The following DACT2 variants were observed in gnomAD, a reference collection of about 807,000 sequenced individuals.
The protein encoded by DACT2 is dapper homolog 2.
In DACT2, 20 loss-of-function variants were observed where a neutral mutation model predicts 22.2. That is an observed-to-expected ratio of 0.90 (90% CI 0.63 to 1.31). The LOEUF is 1.31. Among genes scored for constraint, DACT2 ranks in the 50% most tolerant of loss-of-function variants. The pLI is 0.00. For synonymous variants in DACT2, 463 were observed against 479.8 expected, an observed-to-expected ratio of 0.96 and a Z score of 0.46; for missense variants, 1,048 against 1,061.4, an observed-to-expected ratio of 0.99 and a Z score of 0.18.
chr6:168,319,598 G>T lies in DACT2; in HGVS notation c.36C>A (p.Gly12=), dbSNP rs761663369. ...WTPGGPPGSA[G]WDRRRLGARL... is the part of the protein sequence containing the mutation. ...TCGCGCCCAACCTACGGCGGTCCCAGCCCGCGGACCCCGGGGGTCCGCCCG... is the reference window on the plus strand; with the variant it reads ...TCGCGCCCAACCTACGGCGGTCCCATCCCGCGGACCCCGGGGGTCCGCCCG... Residue 12 remains glycine, a synonymous_variant, in exon 1 of 4, where the codon GGC becomes GGA. Coordinates refer to ENST00000366795, the MANE Select transcript of DACT2 (RefSeq NM_214462.5). 1 of 1,347,968 alleles carries T rather than the reference G, an allele frequency of 7.4e-7. No individual in the cohort carries two copies. The highest frequency in any genetic ancestry group is 1.7e-5 in the South Asian group (1 of 58,778). The allele number at this position is 1,347,968 out of a possible 1,614,324, so 83.5% of individuals were successfully genotyped here.
chr6:168,307,711 G>A lies in DACT2; in HGVS notation c.2046C>T (p.Ser682=), dbSNP rs571812546. Residue 682 remains serine (S), a synonymous_variant, in exon 4 of 4, where the codon AGC becomes AGT. Coordinates refer to ENST00000366795, the MANE Select transcript of DACT2 (RefSeq NM_214462.5). The surrounding 1 kb of genome is among the most constrained non-coding windows in gnomAD (Gnocchi z 5.3). ...PRFPSVIPET[S]EGESSDHTTN... ...TGGTGTGGTCACTGGACTCTCCCTC[G>A]CTGGTCTCCGGGATGACTGACGGGA... The A allele has an allele frequency of 1.9e-5, 30 of 1,550,064 alleles. No individual in the cohort carries two copies. The African/African-American group carries it at 3.1e-4, about 16-fold the overall frequency.
Position 168,308,499 on chromosome 6 carries a change from G to T in DACT2, c.1258C>A (p.Leu420Ile), listed in dbSNP as rs1398000610. Residue 420 changes from leucine to isoleucine, a missense_variant, in exon 4 of 4, where the codon CTT becomes ATT. Transcript: ENST00000366795. Reference protein sequence around the residue: ...PLEGPQQSGSLPEEGSKPSNS... With the variant: ...PLEGPQQSGSIPEEGSKPSNS... ...GAGGGCTTGGAGCCCTCCTCTGGAAGGCTGCCAGACTGCTGGGGACCCTCA... is the reference window on the plus strand; with the variant it reads ...GAGGGCTTGGAGCCCTCCTCTGGAATGCTGCCAGACTGCTGGGGACCCTCA... 6.4e-7 allele frequency: 1 copy of T among 1,551,534 alleles called. No homozygotes were observed. The highest frequency in any genetic ancestry group is 1.4e-5 in the African/African-American group (1 of 73,142).
downstream of DACT2, among the ~76,000 whole-genome samples, chr6:168,303,348 T>G (rs2114898234): frequency 6.6e-6 from 1 of 152,220 alleles, no homozygotes; most frequent in East Asian, 1.9e-4. Flanking sequence ...GTCCTGGAGG[T>G]TTCTGGGTCA....
downstream of DACT2, chr6:168,302,150 C>T (rs1047209207): frequency 3.3e-5 from 5 of 152,312 alleles, no homozygotes; most frequent in Admixed American, 6.5e-5. Flanking sequence ...ACTCTGCTGT[C>T]CTTGGGTTAT....
chr6:168,294,322 G>C lies in DACT2; in HGVS notation c.731-125C>G, dbSNP rs1031589490. The C allele has an allele frequency of 4.8e-5, 33 of 685,776 alleles. 1 individual carries two copies. In the South Asian group the frequency reaches 4.9e-4, roughly 10 times the overall value. 42.5% of individuals were successfully genotyped at this position (685,776 alleles called of 1,614,324 possible). A position where few individuals can be genotyped will look rare whatever the true frequency, so the allele number is the denominator to read the frequency against. On this transcript the variant is annotated intron_variant, in intron 4 of 5. Coordinates refer to the DACT2 transcript ENST00000366796. ...TGAGGACACAGAGGAAGGGGAAGAG[G>C]ACGGCCACGCTTCTCCCCTCCTAGT...
At chr6:168,295,732 C>T (rs1036248610) in intron 3 of DACT2, among the ~76,000 whole-genome samples, 1 of 152,132 alleles carries the variant, frequency 6.6e-6, no homozygotes, top group East Asian at 1.9e-4. Context: ...ACAAGATGAT[C>T]CTGTGATCCA....
At chr6:168,319,109 G>T (rs1296606461) in intron 1 of DACT2, among the ~76,000 whole-genome samples, 1 of 152,176 alleles carries the variant, frequency 6.6e-6, no homozygotes, top group Non-Finnish European at 1.5e-5. Flanking sequence ...GCTTCGGGAT[G>T]CTGGCGTGGG....
intron 3 of DACT2, among the ~76,000 whole-genome samples, chr6:168,309,689 A>C (rs12524092): frequency 0.06 from 9,081 of 152,332 alleles, 378 homozygotes; most frequent in East Asian, 0.13. Context: ...GCTTCTCAGT[A>C]AGAAAAGACC....
chr6:168,294,692 G>C, exon 4 of DACT2: 1 of 1,498,222 alleles, frequency 6.7e-7, no homozygotes, highest in Non-Finnish European at 8.9e-7. Flanking sequence ...TTCACCTGGA[G>C]CATTGCACAG....
Position 168,319,646 on chromosome 6 carries a change from G to C in DACT2, c.-13C>G. ...CCGGCGTCCACATCTCCCGGGCAGG[G>C]TCCCGGCCTCCCGAACCCCACGAGC... On this transcript the variant is annotated 5_prime_UTR_variant, in exon 1 of 4. Coordinates refer to ENST00000366795, the MANE Select transcript of DACT2 (RefSeq NM_214462.5). 8.1e-7 allele frequency: 1 copy of C among 1,238,654 alleles called. No homozygotes were observed. Among genetic ancestry groups the C allele is most frequent in the Non-Finnish European group, 1.0e-6 (1 of 988,930 alleles). The allele number at this position is 1,238,654 out of a possible 1,614,324, so 76.7% of individuals were successfully genotyped here. A position where few individuals can be genotyped will look rare whatever the true frequency, so the allele number is the denominator to read the frequency against.
At chr6:168,297,228 G>A (rs537960034) in intron 3 of DACT2, among the ~76,000 whole-genome samples, 3 of 152,284 alleles carry the variant, frequency 2.0e-5, no homozygotes, top group Non-Finnish European at 2.9e-5. Flanking sequence ...AGATGTCCGC[G>A]TCCTAATCCC....
intron 3 of DACT2, among the ~76,000 whole-genome samples, chr6:168,296,951 C>T (rs187649385): frequency 1.1e-4 from 17 of 152,114 alleles, no homozygotes; most frequent in Non-Finnish European, 1.9e-4. Context: ...TCCTACACAT[C>T]AATGAAAACA....
At chr6:168,302,547 G>C (rs1283172284), downstream of DACT2, among the ~76,000 whole-genome samples, 1 of 152,224 alleles carries the variant, frequency 6.6e-6, no homozygotes, top group African/African-American at 2.4e-5. Flanking sequence ...TTGGATAGTT[G>C]AACCAGCAAA....
intron 4 of DACT2, chr6:168,294,575 GTGTATA>G (rs71777643): frequency 0.34 from 114,776 of 336,432 alleles, 11,227 homozygotes; most frequent in Admixed American, 0.42. Context: ...GTGTGTGTGT[GTGTATA>G]TATATATATA....
chr6:168,302,843 A>G (rs1275428796), downstream of DACT2, among the ~76,000 whole-genome samples: 1 of 152,168 alleles, frequency 6.6e-6, no homozygotes, highest in Admixed American at 6.5e-5. Context: ...TGTCTGCTGG[A>G]TAGTGGCGGG....
downstream of DACT2, among the ~76,000 whole-genome samples, chr6:168,303,141 C>T (rs7750101): frequency 0.55 from 83,945 of 151,940 alleles, 23,444 homozygotes; most frequent in Non-Finnish European, 0.58. Context: ...TAAGGTGGGA[C>T]GGCATTAAAT....
chr6:168,319,432 C>CGGGGCCGTG lies in DACT2; in HGVS notation c.193_201dup (p.His65_Pro67dup), dbSNP rs1386886398. Reference sequence around the variant, plus strand: ...GCCAGCGCCGCCTCCAGCTGCTGCTCGGGGCCGTGGAGGCCGTGGGGGCCG... The same window carrying CGGGGCCGTG: ...GCCAGCGCCGCCTCCAGCTGCTGCTCGGGGCCGTGGGGGCCGTGGAGGCCGTGGGGGCCG... On this transcript the variant is annotated inframe_insertion, in exon 1 of 4. Coordinates refer to ENST00000366795, the MANE Select transcript of DACT2 (RefSeq NM_214462.5). 8.3e-7 allele frequency: 1 copy of CGGGGCCGTG among 1,204,434 alleles called. No individual in the cohort carries two copies. The highest frequency in any genetic ancestry group is 1.0e-6 in the Non-Finnish European group (1 of 970,938). The allele number at this position is 1,204,434 out of a possible 1,614,324, so 74.6% of individuals were successfully genotyped here. A position where few individuals can be genotyped will look rare whatever the true frequency, so the allele number is the denominator to read the frequency against.
At chr6:168,304,831 G>C (rs1381830648), downstream of DACT2, among the ~76,000 whole-genome samples, 2 of 152,262 alleles carry the variant, frequency 1.3e-5, no homozygotes, top group Non-Finnish European at 2.9e-5. Context: ...TGGGCTGCCT[G>C]GTCCCGCAGA....
At chr6:168,301,054 T>G (rs944827540) in intron 3 of DACT2, among the ~76,000 whole-genome samples, 1 of 152,208 alleles carries the variant, frequency 6.6e-6, no homozygotes, top group Non-Finnish European at 1.5e-5. Context: ...TCTCATTTCT[T>G]GCTGGGGATG....
Sources: gnomAD v4.1 joint callset for allele counts (sites outside exome capture counted in the v4.1 genomes callset) on GRCh38, gnomAD v4.1.1 for gene constraint, Gnocchi (gnomAD v3.1) non-coding constraint, MANE v1.5 for transcripts, NCBI Gene and HGNC (gene_info 2026-07-23, HGNC 2026-07-21) for gene names.